Variants in PTPRD observed in about 807,000 individuals in gnomAD.
The protein encoded by PTPRD is receptor-type tyrosine-protein phosphatase delta.
A neutral mutation model predicts 214.5 loss-of-function variants in PTPRD; 34 were observed. The observed-to-expected ratio is 0.16, with a 90% confidence interval of 0.12 to 0.21. PTPRD has a LOEUF of 0.21. PTPRD is among the 10% of genes least tolerant of loss of function. PTPRD has a pLI of 1.00. For synonymous variants in PTPRD, 1,128 were observed against 845.7 expected (o/e 1.33, Z -5.79); for missense variants, 2,545 against 2,398.7 (o/e 1.06, Z -1.27).
intron 8 of PTPRD, among the ~76,000 whole-genome samples, chr9:9,527,884 T>A (rs1186657037): frequency 2.0e-5 from 3 of 152,218 alleles, no homozygotes; most frequent in Non-Finnish European, 4.4e-5. Context: ...GGCTAGAATG[T>A]AATAACAAAG....
chr9:8,341,761 C>CTTG lies in PTPRD; in HGVS notation c.4878_4879insCAA (p.Tyr1626_Ala1627insGln). 6.2e-7 allele frequency: 1 copy of CTTG among 1,613,586 alleles called. No individual in the cohort carries two copies. ...ATTTGTGTCAGCTTCTGAATGTAGG[C>CTTG]ATACAAGTTTCTAGCTGGCACTTCG... On this transcript the variant is annotated inframe_insertion, in exon 40 of 46. Transcript: ENST00000381196.
At chr9:10,470,016 G>A (rs1391336852) in intron 2 of PTPRD, among the ~76,000 whole-genome samples, 1 of 151,974 alleles carries the variant, frequency 6.6e-6, no homozygotes, top group Non-Finnish European at 1.5e-5. Context: ...GTATTTGGGA[G>A]GGGGAATAAA....
At chr9:10,306,101 G>A (rs2096058913) in intron 3 of PTPRD, among the ~76,000 whole-genome samples, 1 of 152,018 alleles carries the variant, frequency 6.6e-6, no homozygotes, top group South Asian at 2.1e-4. Flanking sequence ...CACAAAAAAG[G>A]ACGAGTTCAT....
At chr9:8,603,506 T>C (rs1038868180) in intron 14 of PTPRD, among the ~76,000 whole-genome samples, 1 of 152,128 alleles carries the variant, frequency 6.6e-6, no homozygotes, top group South Asian at 2.1e-4. Context: ...ATTTGAGAAC[T>C]TTTTTCCTAT....
intron 7 of PTPRD, among the ~76,000 whole-genome samples, chr9:9,719,709 C>T (rs902869986): frequency 1.5e-4 from 23 of 152,196 alleles, no homozygotes; most frequent in Admixed American, 7.8e-4. Flanking sequence ...CTGGGATCCC[C>T]GACCTCAGGG....
At chr9:9,970,516 C>A (rs1348487026) in intron 4 of PTPRD, among the ~76,000 whole-genome samples, 2 of 151,634 alleles carry the variant, frequency 1.3e-5, no homozygotes, top group East Asian at 1.9e-4. Context: ...GGTGGACAGT[C>A]AGACATGGCT....
At chr9:10,487,822 T>G (rs920532480) in intron 2 of PTPRD, among the ~76,000 whole-genome samples, 18 of 143,836 alleles carry the variant, frequency 1.3e-4, no homozygotes, top group Non-Finnish European at 2.4e-4. Flanking sequence ...CATTCTATTA[T>G]TTTTAGAAGA....
At chr9:9,846,990 T>C (rs1347687713) in intron 5 of PTPRD, among the ~76,000 whole-genome samples, 3 of 152,126 alleles carry the variant, frequency 2.0e-5, no homozygotes, top group Admixed American at 1.3e-4. Flanking sequence ...ATATATTTTT[T>C]TGAGTATGCC....
intron 12 of PTPRD, among the ~76,000 whole-genome samples, chr9:8,677,028 A>T (rs2097436804): frequency 6.6e-6 from 1 of 152,256 alleles, no homozygotes; most frequent in Non-Finnish European, 1.5e-5. Context: ...ATAAAAAGCC[A>T]TAATGGACAA....
At chr9:9,627,488 G>A (rs1164898371) in intron 7 of PTPRD, among the ~76,000 whole-genome samples, 1 of 152,184 alleles carries the variant, frequency 6.6e-6, no homozygotes, top group Non-Finnish European at 1.5e-5. Flanking sequence ...TCTCTAAAAA[G>A]TAACTACATT....
chr9:8,519,536 G>C (rs1425492149), intron 20 of PTPRD, among the ~76,000 whole-genome samples: 1 of 152,064 alleles, frequency 6.6e-6, no homozygotes, highest in Admixed American at 6.6e-5. Context: ...CCAACATAAA[G>C]GCAAGAAGTA....
At chr9:10,159,901 C>T (rs905161678) in intron 3 of PTPRD, among the ~76,000 whole-genome samples, 16 of 151,978 alleles carry the variant, frequency 1.1e-4, no homozygotes, top group Admixed American at 1.0e-3. Context: ...TATTGGTGTT[C>T]AAAAGGGATT....
At chr9:9,844,930 G>T (rs1362650669) in intron 5 of PTPRD, among the ~76,000 whole-genome samples, 1 of 150,938 alleles carries the variant, frequency 6.6e-6, no homozygotes, top group African/African-American at 2.4e-5. Flanking sequence ...CACAGACATT[G>T]TGTTATAACT....
At chr9:8,726,858 C>T (rs993806175) in intron 12 of PTPRD, among the ~76,000 whole-genome samples, 2 of 148,766 alleles carry the variant, frequency 1.3e-5, no homozygotes, top group Admixed American at 1.3e-4. Context: ...GTAGTTCCAG[C>T]TACTAGGGAG....
chr9:10,231,975 AG>A (rs2099611989), intron 3 of PTPRD, among the ~76,000 whole-genome samples: 1 of 130,382 alleles, frequency 7.7e-6, no homozygotes, highest in Non-Finnish European at 1.6e-5. Flanking sequence ...AGAGAGAGAG[AG>A]AGAGAGAGAG....
rs561208211 is a variant in PTPRD, at chr9:10,300,231, G to A, written c.-545+40732C>T. 1.8e-3 allele frequency among the ~76,000 whole-genome samples: 276 copies of A among 152,260 alleles called. 1 individual carries two copies. The highest frequency in any genetic ancestry group is 2.9e-3 in the Non-Finnish European group (199 of 68,016). Reference sequence around the variant, plus strand: ...AATGGGAAGATTTGCTGGCAAGATGGCCGAATAGGGACAGCTCCGGTCTTC... The same window carrying A: ...AATGGGAAGATTTGCTGGCAAGATGACCGAATAGGGACAGCTCCGGTCTTC... On this transcript the variant is annotated intron_variant, in intron 3 of 45. Coordinates refer to ENST00000381196, the MANE Select transcript of PTPRD (RefSeq NM_002839.4).
intron 11 of PTPRD, among the ~76,000 whole-genome samples, chr9:8,864,961 G>A (rs184013674): frequency 6.6e-6 from 1 of 152,184 alleles, no homozygotes; most frequent in African/African-American, 2.4e-5. Flanking sequence ...GTACAAGCTA[G>A]TATTTTGGCC....
chr9:8,650,289 G>C (rs567727577), intron 12 of PTPRD, among the ~76,000 whole-genome samples: 1 of 152,104 alleles, frequency 6.6e-6, no homozygotes, highest in South Asian at 2.1e-4. Flanking sequence ...CAGCACTTTG[G>C]GAGGCTGAGG....
chr9:9,926,615 G>A (rs1015416527), intron 5 of PTPRD, among the ~76,000 whole-genome samples: 2 of 152,052 alleles, frequency 1.3e-5, no homozygotes, highest in South Asian at 2.1e-4. Context: ...CTGAGAAAGG[G>A]TAGAAATAAA....
Sources: gnomAD v4.1 joint callset for allele counts (sites outside exome capture counted in the v4.1 genomes callset) on GRCh38, gnomAD v4.1.1 for gene constraint, MANE v1.5 for transcripts, NCBI Gene and HGNC (gene_info 2026-07-23, HGNC 2026-07-21) for gene names.